ZNF778: variants seen among roughly 807,000 people sequenced by gnomAD.
The protein encoded by ZNF778 is zinc finger protein 778.
Under a neutral mutation model 23.9 loss-of-function variants are expected in ZNF778, and 37 were observed. That is an observed-to-expected ratio of 1.54 (90% CI 1.19 to 2.03). ZNF778 has a LOEUF of 2.03. Among genes scored for constraint, ZNF778 ranks in the 30% most tolerant of loss-of-function variants. ZNF778 has a pLI of 0.00. For missense variants in ZNF778, 1,297 were observed against 934.4 expected (o/e 1.39, Z -5.06); for synonymous variants, 483 against 343.9 (o/e 1.40, Z -4.48).
rs552463344 is a variant in ZNF778 at position 89,231,551 on chromosome 16, A to G, written c.*2989A>G. 1.3e-5 allele frequency: 2 copies of G among 152,294 alleles called. No homozygotes were observed. Among genetic ancestry groups the G allele is most frequent in the East Asian group, 1.9e-4 (1 of 5,194 alleles). The allele number at this position is 152,294 out of a possible 1,614,324, so 9.4% of individuals were successfully genotyped here. A position where few individuals can be genotyped will look rare whatever the true frequency, so the allele number is the denominator to read the frequency against. ...CAGAACCTCCTCAGCAGCGATGCCC[A>G]TGGACTGGGGTTCCTAAGGCACAAA... On this transcript the variant is annotated 3_prime_UTR_variant, in exon 7 of 7. Transcript: ENST00000433976.
intron 4 of ZNF778, among the ~76,000 whole-genome samples, chr16:89,223,818 T>C (rs2031196858): frequency 6.6e-6 from 1 of 152,150 alleles, no homozygotes; most frequent in African/African-American, 2.4e-5. Context: ...TTTAGAAATG[T>C]AGTTCCTGGC....
rs1356441593 is a variant in ZNF778 at position 89,228,447 on chromosome 16, TAA to T, written c.2163_2164del (p.Lys721AsnfsTer4). 2 of 1,613,940 alleles carry T rather than the reference TAA, an allele frequency of 1.2e-6. No individual in the cohort carries two copies. Among genetic ancestry groups the T allele is most frequent in the Non-Finnish European group, 1.7e-6 (2 of 1,179,872 alleles). ...AGGTTTTATCTACTAAAAGAACATT[TAA>T]AAACTTACACTGAAGAGCAGGTTTT... On this transcript the variant is annotated frameshift_variant, in exon 7 of 7. Coordinates refer to ENST00000433976, the MANE Select transcript of ZNF778 (RefSeq NM_001201407.2). LOFTEE classifies it low-confidence loss of function (END_TRUNC).
At position 89,227,395 on chromosome 16, in the gene ZNF778, C is replaced by T. The variant is rs1383356576; in HGVS notation, c.1107C>T (p.Asp369=). 6.2e-7 allele frequency: 1 copy of T among 1,613,962 alleles called. No homozygotes were observed. The highest frequency in any genetic ancestry group is 1.1e-5 in the South Asian group (1 of 91,076). Residue 369 remains aspartate (D), a synonymous_variant, in exon 7 of 7, where the codon GAC becomes GAT. Coordinates refer to ENST00000433976, the MANE Select transcript of ZNF778 (RefSeq NM_001201407.2). ...DPGQKPYECK[D]CGKACGGFYL... is the part of the protein sequence containing the mutation. ...GACAGAAGCCCTATGAATGTAAGGA[C>T]TGTGGGAAAGCCTGCGGTGGGTTTT... is the stretch of plus-strand genomic sequence containing the variant.
Position 89,227,190 on chromosome 16 carries a change from A to G in ZNF778, c.902A>G (p.Gln301Arg). ...RYTAYLTGRV[Q>R]VHPGEKPCEL... ...ACTGCCTACCTTACTGGTCGCGTGC[A>G]AGTCCACCCTGGGGAAAAGCCCTGT... The change falls in exon 7 of 7, where the codon CAA becomes CGA. Residue 301 changes from glutamine to arginine, a missense_variant. Coordinates refer to ENST00000433976, the MANE Select transcript of ZNF778 (RefSeq NM_001201407.2). The G allele has an allele frequency of 6.2e-7, 1 of 1,613,966 alleles. No homozygotes were observed. The highest frequency in any genetic ancestry group is 2.2e-5 in the East Asian group (1 of 44,874).
Position 89,224,747 on chromosome 16 carries a change from C to T in ZNF778, c.273C>T (p.Ile91=). ...ATCACCTGTTCCAACCCAGTGTGAT[C>T]TATTGGCTGGAGCAGGAAGAGGAGT... ...VGHHLFQPSV[I]YWLEQEEELR... Residue 91 remains isoleucine (I), a synonymous_variant, in exon 5 of 7, where the codon ATC becomes ATT. Transcript: ENST00000433976. 6.5e-7 allele frequency: 1 copy of T among 1,535,512 alleles called. No homozygotes were observed. The highest frequency in any genetic ancestry group is 8.7e-7 in the Non-Finnish European group (1 of 1,146,608).
Position 89,233,666 on chromosome 16 carries a change from C to G in ZNF778, c.*5104C>G, listed in dbSNP as rs748927995. ...CTCGCTCTGCATATGCAATTCAACT[C>G]GCACTGCGTATGCAAATCAACTTAC... On this transcript the variant is annotated 3_prime_UTR_variant, in exon 7 of 7. Transcript: ENST00000433976. 25 of 1,286,842 alleles carry G rather than the reference C, an allele frequency of 1.9e-5. No homozygotes were observed. Among genetic ancestry groups the G allele is most frequent in the Non-Finnish European group, 2.5e-5 (25 of 987,932 alleles). The allele number at this position is 1,286,842 out of a possible 1,614,324, so 79.7% of individuals were successfully genotyped here.
At chr16:89,220,500 A>AC (rs1193708456) in intron 1 of ZNF778, among the ~76,000 whole-genome samples, 1 of 152,196 alleles carries the variant, frequency 6.6e-6, no homozygotes, top group African/African-American at 2.4e-5. Flanking sequence ...TACTAAAAAT[A>AC]CAAAAAAATT....
At chr16:89,218,681 C>T (rs1201345094) in intron 1 of ZNF778, among the ~76,000 whole-genome samples, 1 of 152,176 alleles carries the variant, frequency 6.6e-6, no homozygotes, top group African/African-American at 2.4e-5. Flanking sequence ...GTCCCAGCTA[C>T]TCTGGAGGCT....
intron 1 of ZNF778, among the ~76,000 whole-genome samples, chr16:89,220,243 C>T (rs942409254): frequency 3.3e-5 from 5 of 152,204 alleles, no homozygotes; most frequent in African/African-American, 9.7e-5. Context: ...GGAGAATGGA[C>T]ATGTTTTTCT....
In ZNF778 at chr16:89,231,323, G is replaced by A. The variant is rs747410150; in HGVS notation, c.*2761G>A. ...CAGTTGCCTGAGTCCAGAACTTGTG[G>A]GTCACAGGTGACGCCAGGACTGCAT... On this transcript the variant is annotated 3_prime_UTR_variant, in exon 7 of 7. Coordinates refer to ENST00000433976, the MANE Select transcript of ZNF778 (RefSeq NM_001201407.2). 3.9e-5 allele frequency: 6 copies of A among 152,110 alleles called. No individual in the cohort carries two copies. The highest frequency in any genetic ancestry group is 7.3e-5 in the Non-Finnish European group (5 of 68,042). The allele number at this position is 152,110 out of a possible 1,614,324, so 9.4% of individuals were successfully genotyped here.
In ZNF778 at chr16:89,227,508, G is replaced by A. The variant is rs760792335; in HGVS notation, c.1220G>A (p.Cys407Tyr). The change falls in exon 7 of 7, where the codon TGC becomes TAC. Residue 407 changes from cysteine to tyrosine, a missense_variant. Cys to Tyr is a radical substitution (Grantham distance 194). Transcript: ENST00000433976. ...GGAAAATATTTTAGAAATTCCTCAT[G>A]CCTTAATAATCATGTTCGAATTCAC... ...VCGKYFRNSS[C>Y]LNNHVRIHTG... 2 of 1,613,934 alleles carry A rather than the reference G, an allele frequency of 1.2e-6. No individual in the cohort carries two copies. Among genetic ancestry groups the A allele is most frequent in the South Asian group, 2.2e-5 (2 of 91,062 alleles).
At chr16:89,220,238 A>G (rs556557972) in intron 1 of ZNF778, among the ~76,000 whole-genome samples, 28 of 152,342 alleles carry the variant, frequency 1.8e-4, no homozygotes, top group African/African-American at 6.7e-4. Flanking sequence ...TACAAGGAGA[A>G]TGGACATGTT....
rs1168162088 is a variant in ZNF778 at position 89,228,121 on chromosome 16, C to T, written c.1833C>T (p.His611=). Residue 611 remains histidine (H), a synonymous_variant, in exon 7 of 7, where the codon CAC becomes CAT. Transcript: ENST00000433976. ...GCCTAACCGAGCACATACGAACTCACACTGGAGAGAAACCTTATGAATGTA... is the reference window on the plus strand; with the variant it reads ...GCCTAACCGAGCACATACGAACTCATACTGGAGAGAAACCTTATGAATGTA... The part of the protein sequence containing the change: ...SSSLTEHIRT[H]TGEKPYECKV... The T allele has an allele frequency of 1.2e-6, 2 of 1,612,992 alleles. No homozygotes were observed. The highest frequency in any genetic ancestry group is 1.7e-6 in the Non-Finnish European group (2 of 1,179,294).
At chr16:89,220,256 C>T (rs979631769) in intron 1 of ZNF778, among the ~76,000 whole-genome samples, 1 of 152,220 alleles carries the variant, frequency 6.6e-6, no homozygotes, top group African/African-American at 2.4e-5. Flanking sequence ...GTTTTTCTGA[C>T]ATGTGAAACT....
rs1216695316 is a variant in ZNF778, at chr16:89,235,773, AAAT to A, written c.*7215_*7217del. On this transcript the variant is annotated 3_prime_UTR_variant, in exon 7 of 7. Coordinates refer to ENST00000433976, the MANE Select transcript of ZNF778 (RefSeq NM_001201407.2). ...TGTGATGTAGTAAAACCACTTGAAA[AAAT>A]AATGATGAAACATTTCTCATATTTG... is the stretch of plus-strand genomic sequence containing the variant. 6.6e-6 allele frequency: 1 copy of A among 152,230 alleles called. No individual in the cohort carries two copies. The highest frequency in any genetic ancestry group is 1.5e-5 in the Non-Finnish European group (1 of 68,038). The allele number at this position is 152,230 out of a possible 1,614,324, so 9.4% of individuals were successfully genotyped here.
At position 89,221,017 on chromosome 16, in the gene ZNF778, CGTGGGTCAGGAGGAATG is replaced by C; in HGVS notation, c.-109_-93del. The C allele has an allele frequency of 8.3e-7, 1 of 1,203,900 alleles. No individual in the cohort carries two copies. The highest frequency in any genetic ancestry group is 1.2e-6 in the Non-Finnish European group (1 of 844,658). The allele number at this position is 1,203,900 out of a possible 1,614,324, so 74.6% of individuals were successfully genotyped here. A position where few individuals can be genotyped will look rare whatever the true frequency, so the allele number is the denominator to read the frequency against. On this transcript the variant is annotated 5_prime_UTR_variant, in exon 2 of 7. The change abolishes an upstream ATG in the 5' untranslated region. Transcript: ENST00000433976. ...GCTAGGAAATAGGGATCCAGCCATC[CGTGGGTCAGGAGGAATG>C]GAGACTGTACCTTCCACATAGATTC...
Position 89,227,558 on chromosome 16 carries a change from A to G in ZNF778, c.1270A>G (p.Ser424Gly). 7 of 1,614,196 alleles carry G rather than the reference A, an allele frequency of 4.3e-6. No individual in the cohort carries two copies. The highest frequency in any genetic ancestry group is 5.1e-6 in the Non-Finnish European group (6 of 1,180,032). Residue 424 changes from serine (S) to glycine (G), a missense_variant, in exon 7 of 7, where the codon AGC (serine) becomes GGC (glycine). Physicochemically the swap from Ser to Gly is moderately conservative, Grantham distance 56. Coordinates refer to ENST00000433976, the MANE Select transcript of ZNF778 (RefSeq NM_001201407.2). Reference sequence around the variant, plus strand: ...CACTGGAATAAAACCCTATACATGCAGCTACTGTGGGAAGGCCTTCACTGT... The same window carrying G: ...CACTGGAATAAAACCCTATACATGCGGCTACTGTGGGAAGGCCTTCACTGT... ...IHTGIKPYTC[S>G]YCGKAFTVRC... is the part of the protein sequence containing the mutation.
chr16:89,224,865 T>A, intron 5 of ZNF778, 63 bp downstream of exon 5: 1 of 1,193,642 alleles, frequency 8.4e-7, no homozygotes, highest in South Asian at 1.3e-5. Flanking sequence ...ATCCTGAGTG[T>A]CAAGTTTAGC....
intron 6 of ZNF778, 48 bp from the exon 7 acceptor site, chr16:89,226,646 G>A (rs770103974): frequency 6.6e-7 from 1 of 1,510,914 alleles, no homozygotes; most frequent in African/African-American, 1.4e-5. Flanking sequence ...TGAGATCTAT[G>A]AATCAGCCTC....
Sources: allele counts gnomAD v4.1 joint callset (sites outside exome capture counted in the v4.1 genomes callset), GRCh38; gene constraint gnomAD v4.1.1; transcripts MANE v1.5; gene names NCBI Gene and HGNC (gene_info 2026-07-23, HGNC 2026-07-21).